TIMP3: variants seen among roughly 807,000 people sequenced by gnomAD.
TIMP3 encodes TIMP metallopeptidase inhibitor 3.
TIMP3 carries 11 observed loss-of-function variants against 30.0 expected under a neutral mutation model. The observed-to-expected ratio is 0.37, with a 90% CI of 0.23 to 0.61. The LOEUF (loss-of-function observed/expected upper bound fraction) is 0.61. TIMP3 is among the 20% of genes least tolerant of loss of function. TIMP3 has a pLI of 0.70. For missense variants in TIMP3, 181 were observed against 276.8 expected, an observed-to-expected ratio of 0.65 and a Z score of 2.45; for synonymous variants, 112 against 111.3, an observed-to-expected ratio of 1.01 and a Z score of -0.04.
chr22:32,855,742 T>G (rs577879401), intron 2 of TIMP3, among the ~76,000 whole-genome samples: 1 of 152,320 alleles, frequency 6.6e-6, no homozygotes, highest in African/African-American at 2.4e-5. Context: ...CTCTACGAAC[T>G]GTTGTGACAA....
chr22:32,842,931 A>G (rs1253316818), intron 1 of TIMP3, among the ~76,000 whole-genome samples: 1 of 152,176 alleles, frequency 6.6e-6, no homozygotes, highest in Non-Finnish European at 1.5e-5. Flanking sequence ...CTGGGAGCTT[A>G]TCAAGGGTCC....
In TIMP3 at chr22:32,837,994, T is replaced by C. The variant is rs2047783727; in HGVS notation, c.122-11458T>C. On this transcript the variant is annotated intron_variant, in intron 1 of 4. Transcript: ENST00000266085. This position sits in a 1 kb window ranked among gnomAD's most constrained non-coding sequence, Gnocchi z 4.1. ...TCTCTAGTGATTCTCTGATCCCAGC[T>C]CAGGCAGGATGTCTCCCTCCGGCGC... Among the ~76,000 whole-genome samples the C allele has an allele frequency of 6.6e-6, 1 of 152,188 alleles. No homozygotes were observed. Among genetic ancestry groups the C allele is most frequent in the South Asian group, 2.1e-4 (1 of 4,830 alleles).
chr22:32,814,181 AAAAGAAAG>A (rs148074968), intron 1 of TIMP3, among the ~76,000 whole-genome samples: 86 of 109,804 alleles, frequency 7.8e-4, no homozygotes, highest in East Asian at 2.4e-3. Context: ...AGAAAGAAAG[AAAAGAAAG>A]AAAGAAAGAA....
In TIMP3 at chr22:32,820,242, CTG is replaced by C. The variant is rs3054173; in HGVS notation, c.121+18139_121+18140del. Reference sequence around the variant, plus strand: ...TTCCTTAGCATTCCTCCTTTCTCCCCTGTGTGTGTGTGTGTGTGTGCGTGCGC... The same window carrying C: ...TTCCTTAGCATTCCTCCTTTCTCCCCTGTGTGTGTGTGTGTGTGCGTGCGC... On this transcript the variant is annotated intron_variant, in intron 1 of 4. Transcript: ENST00000266085. Among the ~76,000 whole-genome samples the C allele has an allele frequency of 4.3e-3, 641 of 148,770 alleles. 5 individuals carry two copies. Among genetic ancestry groups the C allele is most frequent in the African/African-American group, 0.011 (454 of 40,512 alleles).
At chr22:32,847,023 G>A (rs2048083922) in intron 1 of TIMP3, among the ~76,000 whole-genome samples, 1 of 152,164 alleles carries the variant, frequency 6.6e-6, no homozygotes, top group African/African-American at 2.4e-5. Flanking sequence ...ATCAAGTCAA[G>A]CCATTTTTGA....
At chr22:32,840,442 T>C (rs369292824) in intron 1 of TIMP3, among the ~76,000 whole-genome samples, 51 of 152,098 alleles carry the variant, frequency 3.4e-4, no homozygotes, top group African/African-American at 1.1e-3. Context: ...AAAAGCCTAT[T>C]TGTGGGACTT....
intron 1 of TIMP3, among the ~76,000 whole-genome samples, chr22:32,826,979 G>A (rs1276904629): frequency 1.3e-5 from 2 of 152,198 alleles, no homozygotes; most frequent in Non-Finnish European, 2.9e-5. Flanking sequence ...GCTGAAGGAA[G>A]CAAGCTGGAA....
intron 1 of TIMP3, among the ~76,000 whole-genome samples, chr22:32,820,322 GTCA>G (rs1338009681): frequency 1.7e-4 from 26 of 150,304 alleles, no homozygotes; most frequent in African/African-American, 6.1e-4. Flanking sequence ...CCGTGTGTGT[GTCA>G]TCCTCTGCTC....
intron 1 of TIMP3, among the ~76,000 whole-genome samples, chr22:32,821,125 T>G (rs936365912): frequency 1.3e-5 from 2 of 152,138 alleles, no homozygotes; most frequent in Non-Finnish European, 2.9e-5. Context: ...CAGTGGAGGA[T>G]GTCAAAAGAG....
intron 1 of TIMP3, among the ~76,000 whole-genome samples, chr22:32,807,316 T>A (rs1176151995): frequency 9.0e-6 from 1 of 111,292 alleles, no homozygotes; most frequent in Non-Finnish European, 1.7e-5. Flanking sequence ...AAATATATAA[T>A]ATATAAATAT....
rs2048546592 is a variant in TIMP3, at chr22:32,861,782, T to C, written c.*2405T>C. 1.3e-5 allele frequency: 2 copies of C among 152,658 alleles called. No homozygotes were observed. The highest frequency in any genetic ancestry group is 6.5e-5 in the Admixed American group (1 of 15,288). 9.5% of individuals were successfully genotyped at this position (152,658 alleles called of 1,614,324 possible). On this transcript the variant is annotated 3_prime_UTR_variant, in exon 5 of 5. Transcript: ENST00000266085. ...TTTCTATAAGCTATAGCTTTGTTTA[T>C]TTCACCCGTTCACTTACTGTATAAT... is the stretch of plus-strand genomic sequence containing the variant.
intron 1 of TIMP3, among the ~76,000 whole-genome samples, chr22:32,803,803 C>T (rs2038688497): frequency 6.6e-6 from 1 of 152,168 alleles, no homozygotes. Context: ...CAGCCCAAGT[C>T]CTTTTCTGCT....
At position 32,859,336 on chromosome 22, in the gene TIMP3, G is replaced by C. The variant is rs757258891; in HGVS notation, c.595G>C (p.Ala199Pro). 18 of 1,613,114 alleles carry C rather than the reference G, an allele frequency of 1.1e-5. No individual in the cohort carries two copies. Among genetic ancestry groups the C allele is most frequent in the South Asian group, 2.2e-5 (2 of 91,048 alleles). Residue 199 changes from alanine (A) to proline (P), a missense_variant, in exon 5 of 5, where the codon GCC (alanine) becomes CCC (proline). Ala to Pro is a conservative substitution (Grantham distance 27). Transcript: ENST00000266085. ...GGYCSWYRGW[A>P]PPDKSIINAT... Reference sequence around the variant, plus strand: ...CTACTGCAGCTGGTACCGAGGATGGGCCCCCCCGGATAAAAGCATCATCAA... The same window carrying C: ...CTACTGCAGCTGGTACCGAGGATGGCCCCCCCCGGATAAAAGCATCATCAA...
intron 1 of TIMP3, among the ~76,000 whole-genome samples, chr22:32,844,217 CAG>C (rs143934772): frequency 1.3e-5 from 2 of 151,684 alleles, no homozygotes; most frequent in African/African-American, 2.4e-5. Context: ...GGGATAGAAG[CAG>C]AGAGAGAGAG....
In TIMP3 at chr22:32,807,395, A is replaced by T. The variant is rs1343739136; in HGVS notation, c.121+5273A>T. ...TTATATATAATATATATTATATATA[A>T]TATATATATATTATATTTACATATA... is the stretch of plus-strand genomic sequence containing the variant. On this transcript the variant is annotated intron_variant, in intron 1 of 4. Transcript: ENST00000266085. Among the ~76,000 whole-genome samples, 7 of 100,148 alleles carry T rather than the reference A, an allele frequency of 7.0e-5. No homozygotes were observed. The South Asian group carries it at 1.2e-3, about 18-fold the overall frequency. The allele number at this position is 100,148 out of a possible 152,430, so 65.7% of individuals were successfully genotyped here.
chr22:32,806,335 G>C (rs1368899043), intron 1 of TIMP3, among the ~76,000 whole-genome samples: 1 of 152,090 alleles, frequency 6.6e-6, no homozygotes, highest in Non-Finnish European at 1.5e-5. Flanking sequence ...TGTTTGTTTT[G>C]CATGAACAGC....
chr22:32,817,059 A>AT lies in TIMP3; in HGVS notation c.121+14940dup, dbSNP rs1169826752. 2.3e-4 allele frequency among the ~76,000 whole-genome samples: 6 copies of AT among 25,760 alleles called. 1 individual carries two copies. In the South Asian group the frequency reaches 3.2e-3, roughly 14 times the overall value. 16.9% of individuals were successfully genotyped at this position (25,760 alleles called of 152,430 possible). ...ATAGTAAGATTCCCTGTCTCTACTAATTTAAAAAAAAAAAAAAGAAAAGGT... is the reference window on the plus strand; with the variant it reads ...ATAGTAAGATTCCCTGTCTCTACTAATTTTAAAAAAAAAAAAAAGAAAAGGT... On this transcript the variant is annotated intron_variant, in intron 1 of 4. Transcript: ENST00000266085.
At chr22:32,821,429 C>G (rs1162299476) in intron 1 of TIMP3, among the ~76,000 whole-genome samples, 1 of 152,130 alleles carries the variant, frequency 6.6e-6, no homozygotes, top group African/African-American at 2.4e-5. Flanking sequence ...AATCAGAAGT[C>G]AAAGAAGGTG....
intron 1 of TIMP3, among the ~76,000 whole-genome samples, chr22:32,832,550 T>TC (rs1234293933): frequency 6.6e-6 from 1 of 151,882 alleles, no homozygotes; most frequent in East Asian, 1.9e-4. Flanking sequence ...GGTTTTTTTT[T>TC]TTTTTCAAAA....
Sources: allele counts gnomAD v4.1 joint callset (sites outside exome capture counted in the v4.1 genomes callset), GRCh38; gene constraint gnomAD v4.1.1; non-coding constraint Gnocchi (gnomAD v3.1); transcripts MANE v1.5; gene names NCBI Gene and HGNC (gene_info 2026-07-23, HGNC 2026-07-21).